The following PIGK variants were observed in gnomAD, a reference collection of about 807,000 sequenced individuals.
The protein encoded by PIGK is GPI-anchor transamidase.
A neutral mutation model predicts 50.6 loss-of-function variants in PIGK; 42 were observed. That is an observed-to-expected ratio of 0.83 (90% CI 0.65 to 1.07). PIGK has a LOEUF of 1.07. PIGK is among the 50% of genes least tolerant of loss of function. The probability of loss-of-function intolerance (pLI) is 0.00; values close to 1 mark genes in which losing one functional copy is unlikely to be tolerated. For synonymous variants in PIGK, 151 were observed against 156.0 expected, an observed-to-expected ratio of 0.97 and a Z score of 0.24; for missense variants, 448 against 488.7, an observed-to-expected ratio of 0.92 and a Z score of 0.78.
intron 3 of PIGK, among the ~76,000 whole-genome samples, chr1:77,193,245 ATGTGTGTG>A (rs56987496): frequency 1.0e-3 from 148 of 144,858 alleles, no homozygotes; most frequent in Middle Eastern, 3.5e-3. Flanking sequence ...TGGCATGAGA[ATGTGTGTG>A]TGTGTGTGTG....
In PIGK at chr1:77,210,477, G is replaced by T. The variant is rs189968569; in HGVS notation, c.106C>A (p.Gln36Lys). The change falls in exon 2 of 11, where the codon CAA becomes AAA. Residue 36 changes from glutamine to lysine, a missense_variant. Gln to Lys is a moderately conservative substitution (Grantham distance 53). Transcript: ENST00000370812. ...TTTGTATGGCCACTTCTAAAGAATT[G>T]TTCTGCTTGATCCTAAATAAAGCAA... is the stretch of plus-strand genomic sequence containing the variant. Reference protein sequence around the residue: ...AASHIEDQAEQFFRSGHTNNW... With the variant: ...AASHIEDQAEKFFRSGHTNNW... 6.3e-7 allele frequency: 1 copy of T among 1,590,630 alleles called. No individual in the cohort carries two copies. Among genetic ancestry groups the T allele is most frequent in the African/African-American group, 1.3e-5 (1 of 74,500 alleles).
chr1:77,195,538 G>A, intron 3 of PIGK: 1 of 451,008 alleles, frequency 2.2e-6, no homozygotes, highest in East Asian at 3.9e-5. Flanking sequence ...GCCTTACAGA[G>A]ATTACAACTC....
chr1:77,175,834 A>G (rs1268080037), intron 3 of PIGK, among the ~76,000 whole-genome samples: 1 of 152,148 alleles, frequency 6.6e-6, no homozygotes, highest in Non-Finnish European at 1.5e-5. Flanking sequence ...CAAAAATTCT[A>G]AAGAGTTATA....
At chr1:77,208,027 G>A (rs1236628393) in intron 2 of PIGK, among the ~76,000 whole-genome samples, 1 of 151,948 alleles carries the variant, frequency 6.6e-6, no homozygotes, top group African/African-American at 2.4e-5. Flanking sequence ...TTAAAGAACG[G>A]CCTAGGCAAC....
chr1:77,119,648 T>A (rs1025879102), intron 10 of PIGK, among the ~76,000 whole-genome samples: 6 of 152,226 alleles, frequency 3.9e-5, no homozygotes, highest in African/African-American at 1.4e-4. Context: ...AAAAGCAGTT[T>A]AAATATCACA....
chr1:77,118,796 TC>T (rs1654034184), intron 10 of PIGK, among the ~76,000 whole-genome samples: 1 of 152,174 alleles, frequency 6.6e-6, no homozygotes, highest in African/African-American at 2.4e-5. Flanking sequence ...TATTAGGGTA[TC>T]TAGGTTTGTG....
At chr1:77,155,380 A>G (rs1287722926) in intron 8 of PIGK, among the ~76,000 whole-genome samples, 1 of 152,208 alleles carries the variant, frequency 6.6e-6, no homozygotes, top group Non-Finnish European at 1.5e-5. Context: ...TCACTCACTC[A>G]GCAAAGCATA....
At chr1:77,188,482 G>A (rs1655805775) in intron 3 of PIGK, among the ~76,000 whole-genome samples, 1 of 152,152 alleles carries the variant, frequency 6.6e-6, no homozygotes, top group African/African-American at 2.4e-5. Context: ...CTCCTGATAA[G>A]ATGTTATCAA....
At chr1:77,118,472 G>A (rs377723107) in intron 10 of PIGK, among the ~76,000 whole-genome samples, 9 of 152,046 alleles carry the variant, frequency 5.9e-5, no homozygotes, top group East Asian at 5.8e-4. Context: ...TTTTCATTTC[G>A]ATGTATAGAA....
Position 77,090,228 on chromosome 1 carries a change from T to C in PIGK, c.*2146A>G, listed in dbSNP as rs2100503015. Reference sequence around the variant, plus strand: ...GAATATATTTAAGGATTTGTTTTTATGATACTGTTTAAAGTGTAGGCCATT... The same window carrying C: ...GAATATATTTAAGGATTTGTTTTTACGATACTGTTTAAAGTGTAGGCCATT... On this transcript the variant is annotated 3_prime_UTR_variant, in exon 11 of 11. Coordinates refer to ENST00000370812, the MANE Select transcript of PIGK (RefSeq NM_005482.3). 6.6e-6 allele frequency: 1 copy of C among 152,374 alleles called. No homozygotes were observed. The highest frequency in any genetic ancestry group is 2.4e-5 in the African/African-American group (1 of 41,594). The allele number at this position is 152,374 out of a possible 1,614,324, so 9.4% of individuals were successfully genotyped here.
intron 3 of PIGK, among the ~76,000 whole-genome samples, chr1:77,200,070 T>C (rs1656125349): frequency 6.6e-6 from 1 of 152,144 alleles, no homozygotes; most frequent in African/African-American, 2.4e-5. Flanking sequence ...ATGAAAATTT[T>C]GGATTTGTTA....
At chr1:77,126,192 T>C (rs1205385255) in intron 9 of PIGK, among the ~76,000 whole-genome samples, 1 of 152,182 alleles carries the variant, frequency 6.6e-6, no homozygotes, top group Non-Finnish European at 1.5e-5. Flanking sequence ...GTAATTTTTC[T>C]TTGATTTCTT....
intron 3 of PIGK, among the ~76,000 whole-genome samples, chr1:77,179,299 G>C (rs954457884): frequency 6.6e-6 from 1 of 152,186 alleles, no homozygotes; most frequent in Non-Finnish European, 1.5e-5. Context: ...TCTCAAAATT[G>C]AGAAAATAAC....
intron 4 of PIGK, 101 bp downstream of exon 4, chr1:77,169,159 A>T: frequency 1.4e-6 from 1 of 724,248 alleles, no homozygotes; most frequent in Non-Finnish European, 2.1e-6. Flanking sequence ...AGTGACAATT[A>T]AATTTAAAGA....
At chr1:77,132,303 T>G (rs980035985) in intron 9 of PIGK, among the ~76,000 whole-genome samples, 1 of 151,966 alleles carries the variant, frequency 6.6e-6, no homozygotes, top group East Asian at 1.9e-4. Flanking sequence ...CTCCCATCTG[T>G]TTGAATTTCC....
intron 5 of PIGK, among the ~76,000 whole-genome samples, chr1:77,164,369 T>C (rs755564858): frequency 2.0e-5 from 3 of 152,170 alleles, no homozygotes; most frequent in Non-Finnish European, 4.4e-5. Context: ...TAGAGGCAGG[T>C]TGCCTGGATT....
At chr1:77,103,128 T>C (rs1381434888) in intron 10 of PIGK, among the ~76,000 whole-genome samples, 3 of 152,222 alleles carry the variant, frequency 2.0e-5, no homozygotes, top group Non-Finnish European at 2.9e-5. Context: ...TGAGTCCTAA[T>C]TGTATCACAT....
At chr1:77,161,801 C>T (rs1655134898) in intron 6 of PIGK, 90 bp from the exon 7 acceptor site, 2 of 707,648 alleles carry the variant, frequency 2.8e-6, no homozygotes, top group Admixed American at 4.4e-5. Flanking sequence ...ATGTTTAAAT[C>T]ATATCTTAGT....
At chr1:77,099,372 T>C (rs963098744) in intron 10 of PIGK, among the ~76,000 whole-genome samples, 1 of 152,184 alleles carries the variant, frequency 6.6e-6, no homozygotes, top group Non-Finnish European at 1.5e-5. Context: ...TTGAAAATGT[T>C]TTCTACAATG....
Sources: gnomAD v4.1 joint callset for allele counts (sites outside exome capture counted in the v4.1 genomes callset) on GRCh38, gnomAD v4.1.1 for gene constraint, MANE v1.5 for transcripts, NCBI Gene and HGNC (gene_info 2026-07-23, HGNC 2026-07-21) for gene names.